Variants in GRK4 observed in about 807,000 individuals in gnomAD.
The protein encoded by GRK4 is G protein-coupled receptor kinase 4.
GRK4 carries 73 observed loss-of-function variants against 77.9 expected under a neutral mutation model. The observed-to-expected ratio is 0.94, with a 90% CI of 0.78 to 1.14. The LOEUF is 1.14. Ranked by LOEUF, GRK4 falls within the 50% of genes most tolerant of loss-of-function variation. The pLI is 0.00. For synonymous variants in GRK4, 257 were observed against 254.4 expected (o/e 1.01, Z -0.10); for missense variants, 729 against 700.2 (o/e 1.04, Z -0.46).
chr4:2,986,646 G>T lies in GRK4; in HGVS notation c.148+2038G>T, dbSNP rs139743531. On this transcript the variant is annotated intron_variant, in intron 2 of 15. Transcript: ENST00000398052. ...TGGGATTACAGACCTGAGCCACCGC[G>T]CCTGGCCCTCAGTGTCTTTTTTTCA... Among the ~76,000 whole-genome samples the T allele has an allele frequency of 7.7e-4, 117 of 152,052 alleles. 1 individual carries two copies. In the East Asian group the frequency reaches 0.02, roughly 26 times the overall value.
In GRK4 at chr4:3,029,422, C is replaced by T. The variant is rs1001495582; in HGVS notation, c.1269+13C>T. 6.2e-7 allele frequency: 1 copy of T among 1,603,914 alleles called. No homozygotes were observed. The highest frequency in any genetic ancestry group is 8.5e-7 in the Non-Finnish European group (1 of 1,171,312). ...TATCTGCAGGATGGTAAGTCAGGCTCTGTAGAGGCTGGGAAATGGCACTTC... is the reference window on the plus strand; with the variant it reads ...TATCTGCAGGATGGTAAGTCAGGCTTTGTAGAGGCTGGGAAATGGCACTTC... On this transcript the variant is annotated intron_variant, in intron 12 of 15. Transcript: ENST00000398052.
intron 3 of GRK4, among the ~76,000 whole-genome samples, chr4:2,990,707 C>T (rs773354975): frequency 4.6e-5 from 7 of 152,258 alleles, no homozygotes; most frequent in East Asian, 1.9e-4. Context: ...TTCTTCCTTA[C>T]GTTAAAATAG....
At chr4:2,977,037 G>A (rs1230186672) in intron 1 of GRK4, among the ~76,000 whole-genome samples, 3 of 152,204 alleles carry the variant, frequency 2.0e-5, no homozygotes, top group Non-Finnish European at 4.4e-5. Context: ...TCTGCTTGCT[G>A]CACAGAGCTG....
intron 1 of GRK4, among the ~76,000 whole-genome samples, chr4:2,976,107 G>A (rs538281079): frequency 6.6e-6 from 1 of 152,302 alleles, no homozygotes; most frequent in African/African-American, 2.4e-5. Flanking sequence ...GTGTCTGCTT[G>A]CTTCAGCCCT....
chr4:2,976,163 C>T (rs1286842725), intron 1 of GRK4, among the ~76,000 whole-genome samples: 1 of 152,124 alleles, frequency 6.6e-6, no homozygotes, highest in Non-Finnish European at 1.5e-5. Context: ...CATTGAAACA[C>T]TCATTGTTTT....
intron 3 of GRK4, among the ~76,000 whole-genome samples, chr4:2,990,926 G>A (rs1373103113): frequency 6.6e-6 from 1 of 152,140 alleles, no homozygotes; most frequent in Non-Finnish European, 1.5e-5. Context: ...GGTGATGACA[G>A]GCTCTGTGAG....
At chr4:2,966,250 A>T (rs975615405) in intron 1 of GRK4, 6 of 152,214 alleles carry the variant, frequency 3.9e-5, no homozygotes, top group African/African-American at 9.6e-5. Context: ...CGTCTCTACT[A>T]AAAATACAAA....
chr4:2,967,463 T>G (rs1051609826), intron 1 of GRK4, among the ~76,000 whole-genome samples: 1 of 152,026 alleles, frequency 6.6e-6, no homozygotes, highest in Non-Finnish European at 1.5e-5. Flanking sequence ...TGCAGTGGTA[T>G]GATCTCAGCA....
At chr4:2,982,581 T>G (rs543797306) in intron 1 of GRK4, among the ~76,000 whole-genome samples, 2 of 152,324 alleles carry the variant, frequency 1.3e-5, no homozygotes, top group South Asian at 4.1e-4. Flanking sequence ...TTTCCACTTG[T>G]GGAATCTAGA....
intron 3 of GRK4, among the ~76,000 whole-genome samples, chr4:2,989,217 T>A (rs1725401521): frequency 6.6e-6 from 1 of 151,614 alleles, no homozygotes; most frequent in Non-Finnish European, 1.5e-5. Flanking sequence ...ACCTGGGCAA[T>A]GATGTAGGAG....
At chr4:3,024,538 A>G (rs1736921285) in intron 10 of GRK4, among the ~76,000 whole-genome samples, 2 of 152,192 alleles carry the variant, frequency 1.3e-5, no homozygotes, top group South Asian at 4.1e-4. Flanking sequence ...CTGGGAATAC[A>G]GGCATGAGCC....
intron 10 of GRK4, 24 bp from the exon 11 acceptor site, chr4:3,027,888 G>A (rs1738019505): frequency 6.2e-7 from 1 of 1,604,600 alleles, no homozygotes; most frequent in Admixed American, 1.7e-5. Flanking sequence ...CGTGACCTGT[G>A]TAATAACATA....
At chr4:2,967,613 A>G (rs1560334164) in intron 1 of GRK4, among the ~76,000 whole-genome samples, 1 of 152,090 alleles carries the variant, frequency 6.6e-6, no homozygotes, top group Non-Finnish European at 1.5e-5. Flanking sequence ...TGGCCAGGCT[A>G]GTCTTGAACT....
chr4:2,987,151 A>G (rs1437585851), intron 2 of GRK4: 1 of 518,100 alleles, frequency 1.9e-6, no homozygotes, highest in Non-Finnish European at 3.9e-6. Flanking sequence ...GACAACTACA[A>G]ATCCACTTTC....
chr4:3,008,256 T>G (rs1578212576), intron 6 of GRK4, among the ~76,000 whole-genome samples: 1 of 152,194 alleles, frequency 6.6e-6, no homozygotes, highest in African/African-American at 2.4e-5. Context: ...GGCTAGAAAA[T>G]AAAACTTAGC....
intron 4 of GRK4, among the ~76,000 whole-genome samples, chr4:2,999,160 C>T (rs6832730): frequency 0.016 from 2,482 of 152,160 alleles, 61 homozygotes; most frequent in African/African-American, 0.057. Flanking sequence ...TTCTGAAAGC[C>T]GGAAGTCCAA....
chr4:2,999,267 G>T (rs550259863), intron 4 of GRK4, among the ~76,000 whole-genome samples: 1 of 152,130 alleles, frequency 6.6e-6, no homozygotes, highest in African/African-American at 2.4e-5. Flanking sequence ...GTGGTGGAAG[G>T]GGCTGAGCTT....
chr4:2,987,177 C>T (rs756024580), intron 2 of GRK4: 1 of 510,300 alleles, frequency 2.0e-6, no homozygotes. Context: ...ATGTCTTTGC[C>T]TGTTCCAGAC....
Position 2,963,970 on chromosome 4 carries a change from TGCCCG to T in GRK4, c.-98_-94del. ...TGTCCGGAGCTCGAGGAGAGGGTGG[TGCCCG>T]GCGAGCTATGCACGGGGGCGGCGGC... On this transcript the variant is annotated 5_prime_UTR_variant, in exon 1 of 16. Coordinates refer to ENST00000398052, the MANE Select transcript of GRK4 (RefSeq NM_182982.3). The T allele has an allele frequency of 9.4e-7, 1 of 1,063,790 alleles. No individual in the cohort carries two copies. 65.9% of individuals were successfully genotyped at this position (1,063,790 alleles called of 1,614,324 possible).
Sources: gnomAD v4.1 joint callset for allele counts (sites outside exome capture counted in the v4.1 genomes callset) on GRCh38, gnomAD v4.1.1 for gene constraint, MANE v1.5 for transcripts, NCBI Gene and HGNC (gene_info 2026-07-23, HGNC 2026-07-21) for gene names.